Variants in ARHGAP19 observed in about 807,000 individuals in gnomAD.
The protein encoded by ARHGAP19 is rho GTPase-activating protein 19.
ARHGAP19 carries 48 observed loss-of-function variants against 60.9 expected under a neutral mutation model. The ratio of observed to expected loss-of-function variants is 0.79; its 90% confidence interval spans 0.62 to 1.00. The LOEUF (loss-of-function observed/expected upper bound fraction) is 1.00, where lower values mean the gene tolerates loss of function less well. ARHGAP19 is among the 50% of genes least tolerant of loss of function. The probability of loss-of-function intolerance (pLI) is 0.00; values close to 1 mark genes in which losing one functional copy is unlikely to be tolerated. For synonymous variants in ARHGAP19, 209 were observed against 215.5 expected, an observed-to-expected ratio of 0.97 and a Z score of 0.27; for missense variants, 562 against 597.2, an observed-to-expected ratio of 0.94 and a Z score of 0.61.
At chr10:97,279,694 A>G (rs1020249054) in intron 1 of ARHGAP19, among the ~76,000 whole-genome samples, 2 of 152,052 alleles carry the variant, frequency 1.3e-5, no homozygotes, top group Non-Finnish European at 2.9e-5. Flanking sequence ...AAGTCTTTCT[A>G]CGTTGCCCAG....
At chr10:97,235,091 C>T (rs1589445857) in intron 9 of ARHGAP19, 126 bp downstream of exon 9, 1 of 810,828 alleles carries the variant, frequency 1.2e-6, no homozygotes, top group East Asian at 2.6e-5. Flanking sequence ...TTTGTCTTTA[C>T]CCCCTTATAA....
At chr10:97,290,825 G>A (rs201418350) in intron 1 of ARHGAP19, among the ~76,000 whole-genome samples, 1 of 151,998 alleles carries the variant, frequency 6.6e-6, no homozygotes, top group African/African-American at 2.4e-5. Flanking sequence ...CAACCCTCCC[G>A]AGGAAATCTC....
intron 8 of ARHGAP19, among the ~76,000 whole-genome samples, chr10:97,241,684 G>T (rs1184594835): frequency 3.3e-5 from 5 of 151,988 alleles, no homozygotes; most frequent in African/African-American, 1.2e-4. Flanking sequence ...CTGCACTCCA[G>T]CCTGGGCAAC....
At chr10:97,282,839 CTTTTTTT>C (rs56387291) in intron 1 of ARHGAP19, among the ~76,000 whole-genome samples, 19 of 90,992 alleles carry the variant, frequency 2.1e-4, no homozygotes, top group Admixed American at 5.3e-4. Flanking sequence ...TTTCTTTTTT[CTTTTTTT>C]TTTTTTTTTT....
intron 7 of ARHGAP19, among the ~76,000 whole-genome samples, 175 bp downstream of exon 7, chr10:97,246,097 T>C (rs930263254): frequency 1.3e-5 from 2 of 152,198 alleles, no homozygotes; most frequent in Admixed American, 6.5e-5. Flanking sequence ...TGTATTCTAA[T>C]ACATAACTTA....
chr10:97,270,758 T>A, intron 1 of ARHGAP19: 1 of 1,273,596 alleles, frequency 7.9e-7, no homozygotes, highest in Non-Finnish European at 1.1e-6. Context: ...AAGGGCACAT[T>A]ATGGGGCCTG....
intron 7 of ARHGAP19, among the ~76,000 whole-genome samples, chr10:97,245,400 C>T (rs913101933): frequency 1.3e-5 from 2 of 151,846 alleles, no homozygotes; most frequent in African/African-American, 4.8e-5. Flanking sequence ...CTGAGGCAGT[C>T]GGACTACTTG....
intron 7 of ARHGAP19, among the ~76,000 whole-genome samples, chr10:97,245,352 G>A (rs940138529): frequency 6.6e-6 from 1 of 152,046 alleles, no homozygotes; most frequent in Non-Finnish European, 1.5e-5. Context: ...TAGGCTGGAT[G>A]TGGTGGATCA....
intron 2 of ARHGAP19, chr10:97,265,646 T>C (rs1424646599): frequency 5.4e-6 from 3 of 557,486 alleles, no homozygotes; most frequent in Non-Finnish European, 6.1e-6. Flanking sequence ...TCTCAGGGAC[T>C]GAAAATATTT....
At chr10:97,291,173 T>G (rs1398361042) in intron 1 of ARHGAP19, among the ~76,000 whole-genome samples, 1 of 152,084 alleles carries the variant, frequency 6.6e-6, no homozygotes, top group Non-Finnish European at 1.5e-5. Context: ...ACCCAGGCAT[T>G]AGAGCCAGCA....
chr10:97,247,807 A>G (rs534296736), intron 6 of ARHGAP19, among the ~76,000 whole-genome samples: 142 of 152,260 alleles, frequency 9.3e-4, no homozygotes, highest in Non-Finnish European at 1.4e-3. Context: ...AAGTAAATGT[A>G]TATTTGTGTA....
chr10:97,285,451 G>A (rs1174589578), intron 1 of ARHGAP19, among the ~76,000 whole-genome samples: 1 of 150,048 alleles, frequency 6.7e-6, no homozygotes, highest in Non-Finnish European at 1.5e-5. Context: ...TCCTGCTTCA[G>A]CCTCCCAAGT....
rs887860137 is a variant in ARHGAP19, at chr10:97,222,809, T to C, written c.*3313A>G. 2.6e-5 allele frequency: 4 copies of C among 152,100 alleles called. No homozygotes were observed. The highest frequency in any genetic ancestry group is 9.7e-5 in the African/African-American group (4 of 41,418). 9.4% of individuals were successfully genotyped at this position (152,100 alleles called of 1,614,324 possible). ...TGGGGAAAGGAGTTCTACACAAAAATGACCTCAGAATGGGGGCCATTAGCC... is the reference window on the plus strand; with the variant it reads ...TGGGGAAAGGAGTTCTACACAAAAACGACCTCAGAATGGGGGCCATTAGCC... On this transcript the variant is annotated 3_prime_UTR_variant, in exon 12 of 12. Coordinates refer to ENST00000358531, the MANE Select transcript of ARHGAP19 (RefSeq NM_032900.6).
chr10:97,288,355 G>A lies in ARHGAP19; in HGVS notation c.56+4217C>T, dbSNP rs554153408. On this transcript the variant is annotated intron_variant, in intron 1 of 11. Coordinates refer to ENST00000358531, the MANE Select transcript of ARHGAP19 (RefSeq NM_032900.6). ...CCAGCACTTTGGGAGGCTGAGGCAGGTGGATCATGAGGTCAAGAGATGGAG... is the reference window on the plus strand; with the variant it reads ...CCAGCACTTTGGGAGGCTGAGGCAGATGGATCATGAGGTCAAGAGATGGAG... Among the ~76,000 whole-genome samples, 259 of 152,146 alleles carry A rather than the reference G, an allele frequency of 1.7e-3. 3 individuals are homozygous for A. Among genetic ancestry groups the A allele is most frequent in the Middle Eastern group, 0.01 (3 of 292 alleles).
Position 97,286,548 on chromosome 10 carries a change from C to T in ARHGAP19, c.56+6024G>A, listed in dbSNP as rs187582322. 1.4e-3 allele frequency among the ~76,000 whole-genome samples: 212 copies of T among 152,320 alleles called. 2 individuals carry two copies. The highest frequency in any genetic ancestry group is 4.9e-3 in the African/African-American group (202 of 41,568). The stretch of plus-strand genomic sequence containing the variant: ...CGGAGGTTGCAGTGAGGCACGATTG[C>T]GCCACTGCACTCCAGCCTGTGCCAC... On this transcript the variant is annotated intron_variant, in intron 1 of 11. Coordinates refer to ENST00000358531, the MANE Select transcript of ARHGAP19 (RefSeq NM_032900.6).
At chr10:97,233,016 G>A (rs1475960679) in intron 9 of ARHGAP19, among the ~76,000 whole-genome samples, 1 of 152,104 alleles carries the variant, frequency 6.6e-6, no homozygotes, top group African/African-American at 2.4e-5. Flanking sequence ...GGGCATGGTG[G>A]TGGGCGCCTG....
At chr10:97,269,020 T>C (rs1367610352) in intron 1 of ARHGAP19, among the ~76,000 whole-genome samples, 1 of 152,270 alleles carries the variant, frequency 6.6e-6, no homozygotes, top group African/African-American at 2.4e-5. Context: ...AGTTATCATA[T>C]CTCAGTCGGG....
chr10:97,228,939 C>G, intron 11 of ARHGAP19: 1 of 669,996 alleles, frequency 1.5e-6, no homozygotes, highest in Non-Finnish European at 2.7e-6. Flanking sequence ...TCTGTGTTCA[C>G]AGCTCTACCC....
At chr10:97,253,612 T>G (rs931759135) in intron 6 of ARHGAP19, among the ~76,000 whole-genome samples, 1 of 152,136 alleles carries the variant, frequency 6.6e-6, no homozygotes, top group Non-Finnish European at 1.5e-5. Flanking sequence ...CAACGTATGG[T>G]ATATTTCAAA....
Sources: allele counts gnomAD v4.1 joint callset (sites outside exome capture counted in the v4.1 genomes callset), GRCh38; gene constraint gnomAD v4.1.1; transcripts MANE v1.5; gene names NCBI Gene and HGNC (gene_info 2026-07-23, HGNC 2026-07-21).